KIAA0319L: variants seen among roughly 807,000 people sequenced by gnomAD.
KIAA0319L encodes the protein dyslexia-associated protein KIAA0319-like protein.
KIAA0319L carries 55 observed loss-of-function variants against 120.1 expected under a neutral mutation model. That is an observed-to-expected ratio of 0.46 (90% CI 0.37 to 0.57). The LOEUF (loss-of-function observed/expected upper bound fraction) is 0.57. KIAA0319L is among the 20% of genes least tolerant of loss of function. KIAA0319L has a pLI of 0.00. For synonymous variants in KIAA0319L, 398 were observed against 471.9 expected, an observed-to-expected ratio of 0.84 and a Z score of 2.03; for missense variants, 1,049 against 1,255.3, an observed-to-expected ratio of 0.84 and a Z score of 2.48.
At chr1:35,539,591 T>C (rs1057446057) in intron 2 of KIAA0319L, among the ~76,000 whole-genome samples, 1 of 152,224 alleles carries the variant, frequency 6.6e-6, no homozygotes, top group Admixed American at 6.5e-5. Flanking sequence ...ATGGGGCTGC[T>C]TGCTTCAGGC....
chr1:35,499,535 C>T (rs1297032732), intron 3 of KIAA0319L, among the ~76,000 whole-genome samples: 2 of 152,034 alleles, frequency 1.3e-5, no homozygotes, highest in Non-Finnish European at 2.9e-5. Context: ...GTTTATAAAC[C>T]ACCCAGTTTA....
At chr1:35,537,346 C>A (rs1391037751) in intron 2 of KIAA0319L, among the ~76,000 whole-genome samples, 1 of 150,726 alleles carries the variant, frequency 6.6e-6, no homozygotes, top group African/African-American at 2.4e-5. Context: ...TGAATCAGAG[C>A]ACTATTTTGT....
chr1:35,497,521 G>A (rs554991675), intron 3 of KIAA0319L, among the ~76,000 whole-genome samples: 3 of 152,202 alleles, frequency 2.0e-5, no homozygotes, highest in East Asian at 1.9e-4. Flanking sequence ...ACATATATTC[G>A]TTATCTTTTT....
In KIAA0319L at chr1:35,491,714, A is replaced by AG. The variant is rs137882678; in HGVS notation, c.667-12503dup. Among the ~76,000 whole-genome samples the AG allele has an allele frequency of 4.3e-3, 658 of 152,314 alleles. 6 individuals carry two copies. The highest frequency in any genetic ancestry group is 0.014 in the African/African-American group (595 of 41,572). ...GAATAAAACCAAACATGGTTCTTTG[A>AG]GAAACATTAACTAGTCTAATCAGGA... On this transcript the variant is annotated intron_variant, in intron 3 of 20. Transcript: ENST00000325722.
chr1:35,543,159 T>C (rs1031026074), intron 2 of KIAA0319L, among the ~76,000 whole-genome samples: 2 of 152,234 alleles, frequency 1.3e-5, no homozygotes, highest in Non-Finnish European at 2.9e-5. Flanking sequence ...GCCTTACTTA[T>C]GTCAATTAAA....
At chr1:35,497,824 C>T (rs542458909) in intron 3 of KIAA0319L, among the ~76,000 whole-genome samples, 56 of 152,130 alleles carry the variant, frequency 3.7e-4, no homozygotes, top group South Asian at 1.0e-3. Context: ...ATCATCTCAC[C>T]ATTGTGTGCA....
chr1:35,458,828 G>A (rs529764053), intron 9 of KIAA0319L, among the ~76,000 whole-genome samples: 3 of 152,256 alleles, frequency 2.0e-5, no homozygotes, highest in South Asian at 2.1e-4. Context: ...GAAAAATTCC[G>A]ACATTAGAAA....
Position 35,554,458 on chromosome 1 carries a change from C to A in KIAA0319L, c.34G>T (p.Ala12Ser). 6.2e-7 allele frequency: 1 copy of A among 1,613,156 alleles called. No individual in the cohort carries two copies. Residue 12 changes from alanine (A) to serine (S), a missense_variant, in exon 2 of 21, where the codon GCT becomes TCT. Ala to Ser is a moderately conservative substitution (Grantham distance 99, BLOSUM62 1). Transcript: ENST00000325722. Reference sequence around the variant, plus strand: ...TAATATCCTGATAAAATCCAGGAAGCAGGATTTGGCTTGACTCCCAGCCTC... The same window carrying A: ...TAATATCCTGATAAAATCCAGGAAGAAGGATTTGGCTTGACTCCCAGCCTC... Reference protein sequence around the residue: ...EKRLGVKPNPASWILSGYYWQ... With the variant: ...EKRLGVKPNPSSWILSGYYWQ...
chr1:35,484,002 C>T (rs919400952), intron 3 of KIAA0319L, among the ~76,000 whole-genome samples: 2 of 151,840 alleles, frequency 1.3e-5, no homozygotes, highest in Non-Finnish European at 2.9e-5. Flanking sequence ...CCTTTCCTTT[C>T]TCTCGTATAA....
intron 3 of KIAA0319L, among the ~76,000 whole-genome samples, chr1:35,486,949 C>A (rs556810084): frequency 6.6e-6 from 1 of 152,200 alleles, no homozygotes; most frequent in East Asian, 1.9e-4. Context: ...ATTATCTGAA[C>A]ATACATATGA....
chr1:35,471,751 A>G (rs958567180), intron 5 of KIAA0319L, among the ~76,000 whole-genome samples: 13 of 151,544 alleles, frequency 8.6e-5, no homozygotes, highest in Non-Finnish European at 1.8e-4. Flanking sequence ...AAAAAGGGGG[A>G]AAAAAAAACC....
intron 2 of KIAA0319L, among the ~76,000 whole-genome samples, chr1:35,530,115 A>G (rs1321487152): frequency 6.7e-6 from 1 of 150,358 alleles, no homozygotes; most frequent in African/African-American, 2.5e-5. Context: ...AATTCACTGC[A>G]CCCTCAGCCT....
At position 35,479,117 on chromosome 1, in the gene KIAA0319L, T is replaced by C. The variant is rs1644034676; in HGVS notation, c.762A>G (p.Ile254Met). The C allele has an allele frequency of 6.2e-7, 1 of 1,614,052 alleles. No homozygotes were observed. The highest frequency in any genetic ancestry group is 8.5e-7 in the Non-Finnish European group (1 of 1,180,040). Residue 254 changes from isoleucine to methionine, a missense_variant, in exon 4 of 21, where the codon ATA becomes ATG. Physicochemically the swap from Ile to Met is conservative, Grantham distance 10. Coordinates refer to ENST00000325722, the MANE Select transcript of KIAA0319L (RefSeq NM_024874.5). ...TGGGCGTAGTAGCAAGACCCTCTGATATTTCAGGTTGCACTGATACATTCT... is the reference window on the plus strand; with the variant it reads ...TGGGCGTAGTAGCAAGACCCTCTGACATTTCAGGTTGCACTGATACATTCT... ...GPKNVSVQPE[I>M]SEGLATTPST...
chr1:35,461,783 G>C (rs183992811), intron 8 of KIAA0319L, among the ~76,000 whole-genome samples: 1 of 152,082 alleles, frequency 6.6e-6, no homozygotes, highest in African/African-American at 2.4e-5. Flanking sequence ...TCTATCACAA[G>C]GGCTTCTTCC....
chr1:35,555,718 A>C (rs1647897166), intron 1 of KIAA0319L, among the ~76,000 whole-genome samples: 1 of 152,236 alleles, frequency 6.6e-6, no homozygotes, highest in African/African-American at 2.4e-5. Context: ...GCATGTGTGC[A>C]TGTATGGGTG....
intron 3 of KIAA0319L, among the ~76,000 whole-genome samples, chr1:35,484,217 A>G (rs1644279065): frequency 6.6e-6 from 1 of 152,146 alleles, no homozygotes; most frequent in Non-Finnish European, 1.5e-5. Flanking sequence ...TTCAGTATAC[A>G]GTTTTTGCAC....
chr1:35,471,068 G>T, intron 5 of KIAA0319L, 108 bp from the exon 6 acceptor site: 1 of 735,926 alleles, frequency 1.4e-6, no homozygotes, highest in Non-Finnish European at 2.4e-6. Context: ...CAAGGCTTTA[G>T]TTTTTAAGAT....
At chr1:35,536,061 A>C (rs1362825073) in intron 2 of KIAA0319L, among the ~76,000 whole-genome samples, 1 of 152,238 alleles carries the variant, frequency 6.6e-6, no homozygotes, top group Non-Finnish European at 1.5e-5. Context: ...TCAGATCCTT[A>C]ATGTTAATTA....
chr1:35,555,043 T>C (rs950140819), intron 1 of KIAA0319L: 7 of 152,226 alleles, frequency 4.6e-5, no homozygotes, highest in African/African-American at 1.7e-4. Flanking sequence ...CCACCACTAT[T>C]ATCATGAAAA....
Sources: gnomAD v4.1 joint callset for allele counts (sites outside exome capture counted in the v4.1 genomes callset) on GRCh38, gnomAD v4.1.1 for gene constraint, MANE v1.5 for transcripts, NCBI Gene and HGNC (gene_info 2026-07-23, HGNC 2026-07-21) for gene names.